Variants in SLC25A37 observed in about 807,000 individuals in gnomAD.
The protein encoded by SLC25A37 is mitoferrin-1.
A neutral mutation model predicts 31.0 loss-of-function variants in SLC25A37; 17 were observed. That is an observed-to-expected ratio of 0.55 (90% CI 0.38 to 0.82). The LOEUF (loss-of-function observed/expected upper bound fraction) is 0.82, where lower values mean the gene tolerates loss of function less well. SLC25A37 is among the 40% of genes least tolerant of loss of function. The pLI, the probability that SLC25A37 is intolerant of heterozygous loss-of-function variation, is 0.00. For missense variants in SLC25A37, 404 were observed against 465.8 expected, an observed-to-expected ratio of 0.87 and a Z score of 1.22; for synonymous variants, 222 against 193.0, an observed-to-expected ratio of 1.15 and a Z score of -1.24.
intron 1 of SLC25A37, among the ~76,000 whole-genome samples, chr8:23,546,570 A>AGTG (rs1348663464): frequency 3.3e-4 from 28 of 84,516 alleles, no homozygotes; most frequent in African/African-American, 2.2e-3. Flanking sequence ...ATATATATAT[A>AGTG]TATATATATA....
At chr8:23,553,192 G>A (rs1400248563) in intron 1 of SLC25A37, among the ~76,000 whole-genome samples, 2 of 152,164 alleles carry the variant, frequency 1.3e-5, no homozygotes, top group Non-Finnish European at 2.9e-5. Flanking sequence ...AGGCCGAGGT[G>A]GGTGGATCAC....
chr8:23,566,061 C>T (rs1802643604), intron 1 of SLC25A37, 47 bp from the exon 2 acceptor site: 1 of 1,529,350 alleles, frequency 6.5e-7, no homozygotes. Flanking sequence ...CTTTACCATC[C>T]TGATTAACTC....
At chr8:23,545,802 C>T (rs1045440036) in intron 1 of SLC25A37, among the ~76,000 whole-genome samples, 1 of 151,576 alleles carries the variant, frequency 6.6e-6, no homozygotes, top group African/African-American at 2.4e-5. Flanking sequence ...AGTTCGAGAC[C>T]AGCCTTGGCA....
Position 23,572,026 on chromosome 8 carries a change from G to T in SLC25A37, c.*171G>T. The T allele has an allele frequency of 4.1e-6, 3 of 726,914 alleles. No individual in the cohort carries two copies. Among genetic ancestry groups the T allele is most frequent in the Non-Finnish European group, 4.4e-6 (2 of 449,970 alleles). The allele number at this position is 726,914 out of a possible 1,614,324, so 45.0% of individuals were successfully genotyped here. A position where few individuals can be genotyped will look rare whatever the true frequency, so the allele number is the denominator to read the frequency against. On this transcript the variant is annotated 3_prime_UTR_variant, in exon 4 of 4. Coordinates refer to ENST00000519973, the MANE Select transcript of SLC25A37 (RefSeq NM_016612.4). ...CGGCACGGCCGCTCACCGGAAGGCT[G>T]TGTGCGGGGACATCCGAGGTGGTGG...
intron 2 of SLC25A37, chr8:23,568,046 C>A (rs894082445): frequency 2.3e-5 from 11 of 480,832 alleles, no homozygotes; most frequent in African/African-American, 1.8e-4. Context: ...CCAACACTTG[C>A]AGGTTTAGCT....
chr8:23,542,128 T>G (rs1801909993), intron 1 of SLC25A37, among the ~76,000 whole-genome samples: 1 of 152,186 alleles, frequency 6.6e-6, no homozygotes, highest in African/African-American at 2.4e-5. Context: ...ACTCCATATG[T>G]GATGAGACAG....
chr8:23,530,185 G>A (rs1801636166), intron 1 of SLC25A37, among the ~76,000 whole-genome samples: 1 of 152,138 alleles, frequency 6.6e-6, no homozygotes, highest in South Asian at 2.1e-4. Flanking sequence ...AACAGCCCTG[G>A]GGGTTAACAG....
intron 2 of SLC25A37, chr8:23,567,065 CCT>C (rs1327751215): frequency 6.5e-6 from 1 of 152,966 alleles, no homozygotes; most frequent in African/African-American, 2.4e-5. Context: ...TTTATTTTCT[CCT>C]CTCCAGTGGG....
intron 1 of SLC25A37, among the ~76,000 whole-genome samples, chr8:23,533,110 C>CAA (rs1801694296): frequency 6.6e-6 from 1 of 151,828 alleles, no homozygotes; most frequent in Admixed American, 6.5e-5. Flanking sequence ...AACGAGGAAT[C>CAA]AAAAAAGGGG....
chr8:23,538,368 G>A (rs528679798), intron 1 of SLC25A37, among the ~76,000 whole-genome samples: 49 of 106,728 alleles, frequency 4.6e-4, no homozygotes, highest in South Asian at 3.2e-3. Flanking sequence ...ACAACAGAGC[G>A]AGACTTCATC....
intron 2 of SLC25A37, chr8:23,567,315 G>A (rs1199749462): frequency 6.6e-6 from 1 of 152,170 alleles, no homozygotes; most frequent in East Asian, 1.9e-4. Flanking sequence ...GTAAAAATTG[G>A]CCATTAGTGC....
intron 1 of SLC25A37, among the ~76,000 whole-genome samples, chr8:23,558,093 T>G (rs909367928): frequency 1.3e-5 from 2 of 152,132 alleles, no homozygotes; most frequent in Admixed American, 1.3e-4. Context: ...AGCCAGTGAG[T>G]AGATTTCACA....
At position 23,571,861 on chromosome 8, in the gene SLC25A37, G is replaced by A. The variant is rs756118710; in HGVS notation, c.*6G>A. The stretch of plus-strand genomic sequence containing the variant: ...AAAATCGAGCTCCATACTAAAGGAA[G>A]GGATCATAGAATCTTTTCTTAAAGT... On this transcript the variant is annotated 3_prime_UTR_variant, in exon 4 of 4. Coordinates refer to ENST00000519973, the MANE Select transcript of SLC25A37 (RefSeq NM_016612.4). 27 of 1,605,414 alleles carry A rather than the reference G, an allele frequency of 1.7e-5. No individual in the cohort carries two copies. In the African/African-American group the frequency reaches 2.8e-4, roughly 17 times the overall value.
chr8:23,568,612 C>A, intron 3 of SLC25A37: 2 of 541,688 alleles, frequency 3.7e-6, no homozygotes, highest in Non-Finnish European at 6.7e-6. Flanking sequence ...GTTCTACAGA[C>A]CAGCAGCATC....
At chr8:23,568,151 T>C in intron 2 of SLC25A37, 171 bp from the exon 3 acceptor site, 1 of 725,522 alleles carries the variant, frequency 1.4e-6, no homozygotes, top group South Asian at 1.4e-5. Context: ...ATTTTTATCA[T>C]ATTTCCACCA....
chr8:23,564,518 AAGGAAAGGAGGGAGGC>A (rs1448404944), intron 1 of SLC25A37, among the ~76,000 whole-genome samples: 4 of 149,758 alleles, frequency 2.7e-5, no homozygotes, highest in Non-Finnish European at 5.9e-5. Flanking sequence ...GGGTGGGAGG[AAGGAAAGGAGGGAGGC>A]AGGAAAGAAG....
At chr8:23,549,117 A>G (rs548943546) in intron 1 of SLC25A37, among the ~76,000 whole-genome samples, 1 of 152,248 alleles carries the variant, frequency 6.6e-6, no homozygotes, top group African/African-American at 2.4e-5. Flanking sequence ...CTCCTCTACT[A>G]GACTATAAAC....
intron 1 of SLC25A37, among the ~76,000 whole-genome samples, chr8:23,556,618 A>G (rs543612839): frequency 6.2e-4 from 95 of 152,036 alleles, no homozygotes; most frequent in African/African-American, 2.2e-3. Context: ...GTGTATATGT[A>G]TATATGTGTG....
intron 3 of SLC25A37, 126 bp from the exon 4 acceptor site, chr8:23,571,197 CTGGCTCTCGCCT>C: frequency 9.6e-7 from 1 of 1,046,826 alleles, no homozygotes; most frequent in Non-Finnish European, 1.3e-6. Context: ...GCTGTGTGTG[CTGGCTCTCGCCT>C]GTTTCCGGTG....
Sources: allele counts gnomAD v4.1 joint callset (sites outside exome capture counted in the v4.1 genomes callset), GRCh38; gene constraint gnomAD v4.1.1; transcripts MANE v1.5; gene names NCBI Gene and HGNC (gene_info 2026-07-23, HGNC 2026-07-21).